Variants in TAS2R1 observed in about 807,000 individuals in gnomAD.
The protein encoded by TAS2R1 is taste 2 receptor member 1.
For missense variants in TAS2R1, 370 were observed against 353.4 expected, an observed-to-expected ratio of 1.05 and a Z score of -0.38; for synonymous variants, 141 against 134.2, an observed-to-expected ratio of 1.05 and a Z score of -0.35.
chr5:9,716,548 TA>T (rs1734817034), upstream of TAS2R1, among the ~76,000 whole-genome samples: 1 of 9,090 alleles, frequency 1.1e-4, no homozygotes, highest in Non-Finnish European at 3.0e-4. Context: ...ACATATATTA[TA>T]TATATATATA....
intron 1 of TAS2R1, among the ~76,000 whole-genome samples, chr5:9,696,587 G>C (rs1218764163): frequency 6.7e-6 from 1 of 149,198 alleles, no homozygotes; most frequent in Non-Finnish European, 1.5e-5. Context: ...ATAAATAATA[G>C]AGTAAAATAA....
At chr5:9,724,570 T>G in the TAS2R1 span, among the ~76,000 whole-genome samples, 1 of 152,212 alleles carries the variant, frequency 6.6e-6, no homozygotes, top group Non-Finnish European at 1.5e-5. Flanking sequence ...ACCAATAAGA[T>G]AAAGCATTTT....
the TAS2R1 span, among the ~76,000 whole-genome samples, chr5:9,875,513 T>C: frequency 0.027 from 4,054 of 152,266 alleles, 134 homozygotes; most frequent in African/African-American, 0.083. Context: ...GAAACAGCCA[T>C]GCGGATCTGT....
At chr5:9,663,036 C>T (rs949350077) in intron 1 of TAS2R1, among the ~76,000 whole-genome samples, 9 of 152,140 alleles carry the variant, frequency 5.9e-5, no homozygotes, top group Admixed American at 5.9e-4. Context: ...GTACTTTCAT[C>T]CACTTAAATG....
chr5:9,760,440 C>A, the TAS2R1 span, among the ~76,000 whole-genome samples: 4 of 152,112 alleles, frequency 2.6e-5, no homozygotes, highest in Non-Finnish European at 5.9e-5. Flanking sequence ...ACTTAAAAAC[C>A]CTCAACAGAA....
intron 2 of TAS2R1, among the ~76,000 whole-genome samples, chr5:9,646,365 T>C (rs1466562901): frequency 6.6e-6 from 1 of 152,162 alleles, no homozygotes; most frequent in African/African-American, 2.4e-5. Context: ...ACAGAATGTC[T>C]TTGGCATTGA....
At chr5:9,884,607 C>A in the TAS2R1 span, among the ~76,000 whole-genome samples, 3 of 151,782 alleles carry the variant, frequency 2.0e-5, no homozygotes, top group Admixed American at 6.6e-5. Context: ...TTATAAAACA[C>A]AAGTTACTAT....
the TAS2R1 span, among the ~76,000 whole-genome samples, chr5:9,783,043 C>G: frequency 6.6e-6 from 1 of 152,168 alleles, no homozygotes; most frequent in Non-Finnish European, 1.5e-5. Context: ...CCTTGCCTCC[C>G]CATGGCTGCA....
At chr5:9,645,098 G>T (rs1223094717) in intron 2 of TAS2R1, among the ~76,000 whole-genome samples, 1 of 152,164 alleles carries the variant, frequency 6.6e-6, no homozygotes, top group Non-Finnish European at 1.5e-5. Flanking sequence ...CTGTTTATTT[G>T]TTGGATGGAA....
At chr5:9,894,948 C>A in the TAS2R1 span, among the ~76,000 whole-genome samples, 2 of 152,362 alleles carry the variant, frequency 1.3e-5, no homozygotes, top group South Asian at 2.1e-4. Flanking sequence ...AAATTTAAAA[C>A]ATGAATGCCA....
the TAS2R1 span, among the ~76,000 whole-genome samples, chr5:9,763,407 G>A: frequency 6.6e-6 from 1 of 152,086 alleles, no homozygotes; most frequent in Admixed American, 6.5e-5. Context: ...GGAGGCTGAG[G>A]CAGGAGAATT....
At chr5:9,769,733 A>G in the TAS2R1 span, among the ~76,000 whole-genome samples, 4 of 151,802 alleles carry the variant, frequency 2.6e-5, no homozygotes, top group Admixed American at 1.3e-4. Context: ...ATCTATTTGG[A>G]TATTTTGCCC....
At chr5:9,820,669 G>A in the TAS2R1 span, among the ~76,000 whole-genome samples, 1 of 152,116 alleles carries the variant, frequency 6.6e-6, no homozygotes, top group Non-Finnish European at 1.5e-5. Flanking sequence ...ATAACCACAG[G>A]CAGCACAAAG....
Position 9,675,079 on chromosome 5 carries a change from CTTATAA to C in TAS2R1, c.-241-15504_-241-15499del, listed in dbSNP as rs1740845882. Among the ~76,000 whole-genome samples the C allele has an allele frequency of 2.7e-5, 4 of 149,004 alleles. No individual in the cohort carries two copies. In the South Asian group the frequency reaches 8.4e-4, roughly 31 times the overall value. On this transcript the variant is annotated intron_variant, in intron 1 of 2. Coordinates refer to the TAS2R1 transcript ENST00000506620. ...ATTTGATATTAAAAATAAAAGCCCA[CTTATAA>C]TAACACCCCAAAATGAAATCATATA...
At chr5:9,707,500 T>C (rs551837349) in intron 1 of TAS2R1, among the ~76,000 whole-genome samples, 2 of 152,248 alleles carry the variant, frequency 1.3e-5, no homozygotes, top group South Asian at 2.1e-4. Context: ...CTGGCCAACA[T>C]GGGGAAACCC....
At chr5:9,823,355 A>G in the TAS2R1 span, among the ~76,000 whole-genome samples, 1 of 152,226 alleles carries the variant, frequency 6.6e-6, no homozygotes, top group Non-Finnish European at 1.5e-5. Flanking sequence ...TCCTACAGAT[A>G]TGCTGAATAT....
At chr5:9,855,751 T>C in the TAS2R1 span, among the ~76,000 whole-genome samples, 6 of 152,328 alleles carry the variant, frequency 3.9e-5, no homozygotes, top group African/African-American at 1.4e-4. Context: ...TATGAGAAAG[T>C]CAAACTTGTT....
In TAS2R1 at chr5:9,630,047, A is replaced by G. The variant is rs2126473426; in HGVS notation, c.-15T>C. The G allele has an allele frequency of 2.6e-6, 4 of 1,531,066 alleles. No individual in the cohort carries two copies. The highest frequency in any genetic ancestry group is 3.5e-6 in the Non-Finnish European group (4 of 1,143,448). The allele number at this position is 1,531,066 out of a possible 1,614,324, so 94.8% of individuals were successfully genotyped here. On this transcript the variant is annotated 5_prime_UTR_variant, in exon 1 of 1. Coordinates refer to ENST00000382492, the MANE Select transcript of TAS2R1 (RefSeq NM_019599.3). ...GACTCTAGCATTTTAGGAATAAAAA[A>G]TTATTTACTTAAAAAATAATGAAGT... is the stretch of plus-strand genomic sequence containing the variant.
the TAS2R1 span, among the ~76,000 whole-genome samples, chr5:9,845,801 ATT>A: frequency 6.6e-6 from 1 of 152,248 alleles, no homozygotes; most frequent in Non-Finnish European, 1.5e-5. Context: ...ATTCTTTTTA[ATT>A]TGGTTTACTG....
Sources: allele counts gnomAD v4.1 joint callset (sites outside exome capture counted in the v4.1 genomes callset), GRCh38; gene constraint gnomAD v4.1.1; transcripts MANE v1.5; gene names NCBI Gene and HGNC (gene_info 2026-07-23, HGNC 2026-07-21).